The following SDS variants were observed in gnomAD, a reference collection of about 807,000 sequenced individuals.
SDS encodes the protein L-serine dehydratase/L-threonine deaminase.
A neutral mutation model predicts 29.3 loss-of-function variants in SDS; 19 were observed. That is an observed-to-expected ratio of 0.65 (90% CI 0.45 to 0.95). The LOEUF is 0.95. SDS is among the 40% of genes least tolerant of loss of function. The pLI is 0.00. For missense variants in SDS, 375 were observed against 439.9 expected (o/e 0.85, Z 1.32); for synonymous variants, 176 against 189.0 (o/e 0.93, Z 0.56).
Position 113,397,351 on chromosome 12 carries a change from A to G in SDS, c.467T>C (p.Leu156Pro), listed in dbSNP as rs773817124. 3.7e-6 allele frequency: 6 copies of G among 1,613,230 alleles called. No homozygotes were observed. The highest frequency in any genetic ancestry group is 5.1e-6 in the Non-Finnish European group (6 of 1,179,450). ...ASIVKELKET[L>P]WEKPGAIALS... ...CGCGATGGCCCCCGGCTTTTCCCAC[A>G]GTGTCTCCTTCAGCTCTTTCACGAT... The change falls in exon 6 of 8, where the codon CTG (leucine) becomes CCG (proline). Residue 156 changes from leucine (L) to proline (P), a missense_variant. Transcript: ENST00000257549.
chr12:113,398,398 G>A (rs73194895), intron 5 of SDS, 117 bp downstream of exon 5: 24,216 of 691,014 alleles, frequency 0.035, 540 homozygotes, highest in Non-Finnish European at 0.046. Flanking sequence ...GGTGGTGTGC[G>A]CACACATGTG....
At chr12:113,396,240 G>T (rs1957642888) in intron 6 of SDS, among the ~76,000 whole-genome samples, 1 of 152,144 alleles carries the variant, frequency 6.6e-6, no homozygotes, top group Non-Finnish European at 1.5e-5. Flanking sequence ...TCAGTAAATG[G>T]TTGGCAAAGT....
chr12:113,396,455 TTC>T (rs1160953046), intron 6 of SDS, among the ~76,000 whole-genome samples: 4 of 143,028 alleles, frequency 2.8e-5, no homozygotes, highest in South Asian at 2.1e-4. Context: ...CTTTCTCTCT[TTC>T]TCTTTCTCCT....
At chr12:113,393,242 C>A (rs773970272) in intron 7 of SDS, 93 bp from the exon 8 acceptor site, 6 of 1,200,048 alleles carry the variant, frequency 5.0e-6, no homozygotes, top group East Asian at 2.3e-5. Flanking sequence ...GAATACTGAG[C>A]CAATCAGCTC....
chr12:113,394,512 G>A (rs938135791), intron 6 of SDS, among the ~76,000 whole-genome samples: 1 of 151,720 alleles, frequency 6.6e-6, no homozygotes, highest in Non-Finnish European at 1.5e-5. Context: ...GCTAATTTTT[G>A]TATTTTTAGT....
rs1419853414 is a variant in SDS at position 113,400,859 on chromosome 12, T to TA, written c.-2-1150dup. Among the ~76,000 whole-genome samples, 4 of 151,756 alleles carry TA rather than the reference T, an allele frequency of 2.6e-5. No individual in the cohort carries two copies. In the South Asian group the frequency reaches 6.3e-4, roughly 24 times the overall value. ...TATTACTTACTTAAATGCATACATT[T>TA]AAAAAAAACCTGGGCTGGGCGCGGT... On this transcript the variant is annotated intron_variant, in intron 1 of 7. Transcript: ENST00000257549.
At position 113,392,944 on chromosome 12, in the gene SDS, C is replaced by T. The variant is rs767907533; in HGVS notation, c.984G>A (p.Lys328=). Residue 328 remains lysine (K), a synonymous_variant, in exon 8 of 8, where the codon AAG becomes AAA. Coordinates refer to ENST00000257549, the MANE Select transcript of SDS (RefSeq NM_006843.3). ...EQLGMTNRLP[K] ...CAGATCGGTAAGGGGTCCGTCCTCA[C>T]TTGGGCAACCTATTTGTCATGCCCA... 1 of 1,614,098 alleles carries T rather than the reference C, an allele frequency of 6.2e-7. No individual in the cohort carries two copies.
intron 6 of SDS, among the ~76,000 whole-genome samples, chr12:113,396,087 G>A (rs907454799): frequency 4.6e-5 from 7 of 152,260 alleles, no homozygotes; most frequent in East Asian, 1.9e-4. Context: ...CAACAAGAGC[G>A]AAACTCTGTC....
At chr12:113,399,258 C>T (rs1267916437) in intron 2 of SDS, 107 bp from the exon 3 acceptor site, 1 of 1,218,526 alleles carries the variant, frequency 8.2e-7, no homozygotes, top group African/African-American at 1.5e-5. Flanking sequence ...ACGGACGTTT[C>T]CTTCACTCAG....
chr12:113,397,772 T>A (rs1439671263), intron 5 of SDS, among the ~76,000 whole-genome samples: 1 of 152,158 alleles, frequency 6.6e-6, no homozygotes, highest in East Asian at 1.9e-4. Context: ...GAAAGCCCCC[T>A]TCCTGACATT....
chr12:113,394,984 T>C (rs540253367), intron 6 of SDS, among the ~76,000 whole-genome samples: 1 of 152,252 alleles, frequency 6.6e-6, no homozygotes, highest in Non-Finnish European at 1.5e-5. Context: ...CTTGAGAAAG[T>C]GTTAGGTGCC....
intron 1 of SDS, among the ~76,000 whole-genome samples, chr12:113,401,447 G>T (rs957877561): frequency 6.6e-6 from 1 of 151,940 alleles, no homozygotes; most frequent in African/African-American, 2.4e-5. Flanking sequence ...GGCCAGGCTG[G>T]TCTCCAACTC....
chr12:113,397,019 A>C, intron 6 of SDS, 146 bp downstream of exon 6: 1 of 703,614 alleles, frequency 1.4e-6, no homozygotes, highest in Non-Finnish European at 2.4e-6. Flanking sequence ...TGTACCACTC[A>C]CTGGACGTGG....
chr12:113,397,211 C>A lies in SDS; in HGVS notation c.607G>T (p.Ala203Ser), dbSNP rs746801283. The change falls in exon 6 of 8, where the codon GCT (alanine) becomes TCT (serine). Residue 203 changes from alanine to serine, a missense_variant. Physicochemically the swap from Ala to Ser is moderately conservative, Grantham distance 99. Coordinates refer to ENST00000257549, the MANE Select transcript of SDS (RefSeq NM_006843.3). ...ACAAGTTTGCCTGCGGTGGTGGCAG[C>A]GTGGAAGCTGTGGGCACCAAAAGTC... ...METFGAHSFH[A>S]ATTAGKLVSL... 1.2e-6 allele frequency: 2 copies of A among 1,614,056 alleles called. No homozygotes were observed. Among genetic ancestry groups the A allele is most frequent in the Non-Finnish European group, 1.7e-6 (2 of 1,180,036 alleles).
intron 6 of SDS, among the ~76,000 whole-genome samples, chr12:113,396,129 T>C (rs1032215104): frequency 2.6e-5 from 4 of 152,004 alleles, no homozygotes; most frequent in African/African-American, 9.7e-5. Flanking sequence ...AAACAAACTA[T>C]CAAAGGTTTG....
intron 6 of SDS, chr12:113,396,888 C>T: frequency 2.0e-6 from 1 of 511,882 alleles, no homozygotes; most frequent in South Asian, 2.9e-5. Context: ...ATCTTCCTGC[C>T]TCAGCCACCC....
At position 113,394,035 on chromosome 12, in the gene SDS, C is replaced by A. The variant is rs370861483; in HGVS notation, c.654-19G>T. On this transcript the variant is annotated intron_variant, in intron 6 of 7. Coordinates refer to ENST00000257549, the MANE Select transcript of SDS (RefSeq NM_006843.3). Reference sequence around the variant, plus strand: ...GGCAACACTGAGAGAAGTGGGAACCCAGAAGAGGATGGGAGTGGGGGAAAC... The same window carrying A: ...GGCAACACTGAGAGAAGTGGGAACCAAGAAGAGGATGGGAGTGGGGGAAAC... 28 of 1,612,608 alleles carry A rather than the reference C, an allele frequency of 1.7e-5. No homozygotes were observed. In the African/African-American group the frequency reaches 3.3e-4, roughly 19 times the overall value.
rs1957671755 is a variant in SDS at position 113,399,633 on chromosome 12, T to C, written c.76A>G (p.Ser26Gly). Reference protein sequence around the residue: ...SMALSKMAGTSVYLKMDSAQP... With the variant: ...SMALSKMAGTGVYLKMDSAQP... Reference sequence around the variant, plus strand: ...GCACTGTCCATCTTGAGGTAGACGCTGGTGCCGGCCATTTTGGACAGGGCC... The same window carrying C: ...GCACTGTCCATCTTGAGGTAGACGCCGGTGCCGGCCATTTTGGACAGGGCC... Residue 26 changes from serine (S) to glycine (G), a missense_variant, in exon 2 of 8, where the codon AGC (serine) becomes GGC (glycine). Coordinates refer to ENST00000257549, the MANE Select transcript of SDS (RefSeq NM_006843.3). The C allele has an allele frequency of 2.5e-6, 4 of 1,601,142 alleles. No homozygotes were observed. Among genetic ancestry groups the C allele is most frequent in the Non-Finnish European group, 1.7e-6 (2 of 1,175,578 alleles).
intron 7 of SDS, 120 bp downstream of exon 7, chr12:113,393,772 G>T (rs1957626320): frequency 7.5e-7 from 1 of 1,325,450 alleles, no homozygotes; most frequent in Non-Finnish European, 1.1e-6. Context: ...TCTAGGCAGA[G>T]GTGGAAGACA....
Sources: gnomAD v4.1 joint callset for allele counts (sites outside exome capture counted in the v4.1 genomes callset) on GRCh38, gnomAD v4.1.1 for gene constraint, MANE v1.5 for transcripts, NCBI Gene and HGNC (gene_info 2026-07-23, HGNC 2026-07-21) for gene names.